The following POMK variants were observed in gnomAD, a reference collection of about 807,000 sequenced individuals.
The protein encoded by POMK is protein O-mannose kinase.
A neutral mutation model predicts 23.0 loss-of-function variants in POMK; 19 were observed. The ratio of observed to expected loss-of-function variants is 0.83; its 90% CI spans 0.58 to 1.21. The LOEUF is 1.21. Among genes scored for constraint, POMK ranks in the 50% most tolerant of loss-of-function variants. The pLI is 0.00. For missense variants in POMK, 410 were observed against 431.3 expected, an observed-to-expected ratio of 0.95 and a Z score of 0.44; for synonymous variants, 173 against 171.6, an observed-to-expected ratio of 1.01 and a Z score of -0.06.
At chr8:43,102,024 C>T (rs977174781) in intron 2 of POMK, among the ~76,000 whole-genome samples, 5 of 152,156 alleles carry the variant, frequency 3.3e-5, no homozygotes, top group Non-Finnish European at 7.4e-5. Context: ...AGGTCACCTC[C>T]TTAGAGAGGT....
intron 4 of POMK, among the ~76,000 whole-genome samples, chr8:43,115,765 C>A (rs1027103609): frequency 1.3e-5 from 2 of 152,162 alleles, no homozygotes; most frequent in African/African-American, 2.4e-5. Flanking sequence ...GCTCAAAATC[C>A]TTTGGTGCTC....
chr8:43,098,537 T>C (rs1388842287), intron 2 of POMK, among the ~76,000 whole-genome samples: 1 of 152,232 alleles, frequency 6.6e-6, no homozygotes, highest in African/African-American at 2.4e-5. Flanking sequence ...ACTTGGCTTG[T>C]TTCCACTGTT....
chr8:43,114,954 A>G (rs1318099812), intron 4 of POMK, among the ~76,000 whole-genome samples: 1 of 152,164 alleles, frequency 6.6e-6, no homozygotes, highest in Non-Finnish European at 1.5e-5. Context: ...TCATCGTTAT[A>G]ATGAAATGAC....
intron 4 of POMK, among the ~76,000 whole-genome samples, chr8:43,110,777 T>A (rs189254469): frequency 2.0e-5 from 3 of 152,076 alleles, no homozygotes; most frequent in African/African-American, 7.2e-5. Context: ...AGCCGGGCGT[T>A]GTGCTGGGTG....
chr8:43,094,870 C>T (rs79721240), intron 1 of POMK, among the ~76,000 whole-genome samples: 2,340 of 152,286 alleles, frequency 0.015, 32 homozygotes, highest in Non-Finnish European at 0.022. Context: ...ATTTCTTCTG[C>T]CCAACCTGCC....
chr8:43,109,192 G>A (rs1811600433), intron 4 of POMK, among the ~76,000 whole-genome samples: 1 of 152,154 alleles, frequency 6.6e-6, no homozygotes, highest in Non-Finnish European at 1.5e-5. Flanking sequence ...TTACAAAATG[G>A]AGTCTTAGGT....
intron 4 of POMK, among the ~76,000 whole-genome samples, chr8:43,105,180 G>T (rs547535643): frequency 6.6e-6 from 1 of 152,196 alleles, no homozygotes; most frequent in East Asian, 1.9e-4. Context: ...CACTTCTTTT[G>T]GTTGGGAACA....
Position 43,122,414 on chromosome 8 carries a change from T to C in POMK, c.590T>C (p.Val197Ala). 1 of 1,614,198 alleles carries C rather than the reference T, an allele frequency of 6.2e-7. No homozygotes were observed. Among genetic ancestry groups the C allele is most frequent in the Non-Finnish European group, 8.5e-7 (1 of 1,180,012 alleles). ...SIINYLHHSP[V>A]GTRVMCDSND... ...ATTAATTACCTGCACCACAGCCCTG[T>C]GGGCACACGGGTCATGTGCGACTCC... Residue 197 changes from valine (V) to alanine (A), a missense_variant, in exon 5 of 5, where the codon GTG (valine) becomes GCG (alanine). Physicochemically the swap from Val to Ala is moderately conservative, Grantham distance 64. Transcript: ENST00000331373.
intron 4 of POMK, among the ~76,000 whole-genome samples, chr8:43,112,007 C>G (rs184542870): frequency 1.3e-5 from 2 of 152,146 alleles, no homozygotes; most frequent in African/African-American, 4.8e-5. Flanking sequence ...AAAATCAGAG[C>G]GCCTCTCCTC....
chr8:43,109,680 C>A (rs1174903333), intron 4 of POMK, among the ~76,000 whole-genome samples: 3 of 151,904 alleles, frequency 2.0e-5, no homozygotes, highest in Non-Finnish European at 2.9e-5. Context: ...GTAGCTGGGA[C>A]TATAGGCATG....
At chr8:43,104,671 G>A (rs1333189208) in intron 4 of POMK, among the ~76,000 whole-genome samples, 3 of 152,252 alleles carry the variant, frequency 2.0e-5, no homozygotes, top group African/African-American at 4.8e-5. Context: ...ATGGTCAGGC[G>A]CAGTGTCTTA....
At chr8:43,111,119 C>T (rs35984555) in intron 4 of POMK, among the ~76,000 whole-genome samples, 3,575 of 152,220 alleles carry the variant, frequency 0.023, 63 homozygotes, top group South Asian at 0.035. Context: ...CGAAGCAGGG[C>T]GAGGCATTGC....
At chr8:43,103,444 A>G in intron 3 of POMK, 84 bp from the exon 4 acceptor site, 1 of 1,302,966 alleles carries the variant, frequency 7.7e-7, no homozygotes, top group Non-Finnish European at 1.1e-6. Flanking sequence ...ACCCTTGAGT[A>G]GAAGAGGCAT....
intron 4 of POMK, among the ~76,000 whole-genome samples, chr8:43,121,462 A>C (rs1167164304): frequency 6.6e-6 from 1 of 152,262 alleles, no homozygotes; most frequent in South Asian, 2.1e-4. Context: ...CTGCCTTTAC[A>C]GCTGAAGTAA....
intron 4 of POMK, among the ~76,000 whole-genome samples, chr8:43,112,964 C>A (rs182279282): frequency 8.0e-4 from 122 of 152,302 alleles, no homozygotes; most frequent in African/African-American, 2.7e-3. Flanking sequence ...AAAATCATGC[C>A]AATTGTAAAG....
intron 4 of POMK, among the ~76,000 whole-genome samples, chr8:43,120,140 T>C (rs1323688766): frequency 6.6e-6 from 1 of 152,102 alleles, no homozygotes; most frequent in Non-Finnish European, 1.5e-5. Flanking sequence ...TGCTGTAATT[T>C]AAATTTGTCT....
At chr8:43,095,963 G>T (rs551119058) in intron 1 of POMK, among the ~76,000 whole-genome samples, 9 of 152,320 alleles carry the variant, frequency 5.9e-5, no homozygotes, top group Non-Finnish European at 7.3e-5. Context: ...GAAGACAGGA[G>T]CCGTGAGGAG....
At chr8:43,114,945 C>T (rs1653059601) in intron 4 of POMK, among the ~76,000 whole-genome samples, 1 of 151,878 alleles carries the variant, frequency 6.6e-6, no homozygotes, top group African/African-American at 2.4e-5. Flanking sequence ...TTTTTTTTCT[C>T]ATCGTTATAA....
chr8:43,113,418 C>T (rs1250702208), intron 4 of POMK, among the ~76,000 whole-genome samples: 1 of 152,174 alleles, frequency 6.6e-6, no homozygotes, highest in Non-Finnish European at 1.5e-5. Flanking sequence ...CCTGAGGCTT[C>T]TTCACTCTTC....
Sources: gnomAD v4.1 joint callset for allele counts (sites outside exome capture counted in the v4.1 genomes callset) on GRCh38, gnomAD v4.1.1 for gene constraint, MANE v1.5 for transcripts, NCBI Gene and HGNC (gene_info 2026-07-23, HGNC 2026-07-21) for gene names.